MORF4L1: variants seen among roughly 807,000 people sequenced by gnomAD.
MORF4L1 encodes the protein mortality factor 4-like protein 1.
Under a neutral mutation model 52.9 loss-of-function variants are expected in MORF4L1, and 4 were observed. That is an observed-to-expected ratio of 0.08 (90% confidence interval 0.04 to 0.17). MORF4L1 has a LOEUF of 0.17. MORF4L1 is among the 10% of genes least tolerant of loss of function. The pLI, the probability that MORF4L1 is intolerant of heterozygous loss-of-function variation, is 1.00. For missense variants in MORF4L1, 214 were observed against 390.4 expected, an observed-to-expected ratio of 0.55 and a Z score of 3.81; for synonymous variants, 123 against 134.8, an observed-to-expected ratio of 0.91 and a Z score of 0.61.
Position 78,894,240 on chromosome 15 carries a change from C to A in MORF4L1, c.802+10C>A. 1 of 1,591,054 alleles carries A rather than the reference C, an allele frequency of 6.3e-7. No individual in the cohort carries two copies. Among genetic ancestry groups the A allele is most frequent in the South Asian group, 1.1e-5 (1 of 87,278 alleles). On this transcript the variant is annotated intron_variant, in intron 10 of 11. Transcript: ENST00000426013. Reference sequence around the variant, plus strand: ...CTCCTGAGATTATTTGGTAATATGTCATGTAGAAAATAATGGATTTTACTT... The same window carrying A: ...CTCCTGAGATTATTTGGTAATATGTAATGTAGAAAATAATGGATTTTACTT...
At chr15:78,884,616 G>A (rs2056662254) in intron 3 of MORF4L1, among the ~76,000 whole-genome samples, 1 of 139,226 alleles carries the variant, frequency 7.2e-6, no homozygotes, top group Non-Finnish European at 1.5e-5. Context: ...TCCAGCCAGG[G>A]CAACGAGAGC....
At chr15:78,884,791 CAGTT>C (rs2056669542) in intron 3 of MORF4L1, among the ~76,000 whole-genome samples, 1 of 152,034 alleles carries the variant, frequency 6.6e-6, no homozygotes, top group Non-Finnish European at 1.5e-5. Context: ...TCTTAAACTT[CAGTT>C]AATCTTTTTT....
intron 11 of MORF4L1, 136 bp downstream of exon 11, chr15:78,895,040 A>C (rs1284268154): frequency 2.9e-6 from 2 of 685,994 alleles, no homozygotes; most frequent in Non-Finnish European, 5.1e-6. Context: ...CAGTAAAAGT[A>C]AGTGCAAACA....
At chr15:78,895,843 A>T (rs928761331) in intron 11 of MORF4L1, among the ~76,000 whole-genome samples, 3 of 152,202 alleles carry the variant, frequency 2.0e-5, no homozygotes, top group African/African-American at 7.2e-5. Context: ...TAAAACTGCA[A>T]CGTGGACTTG....
rs2056528122 is a variant in MORF4L1 at position 78,877,989 on chromosome 15, A to G, written c.41-224A>G. ...ATAGATGATTTGATTATTTAAGTAG[A>G]TTGACCTGCTAATGAATTGTTTTTG... On this transcript the variant is annotated intron_variant, in intron 1 of 11. Coordinates refer to ENST00000426013, the MANE Select transcript of MORF4L1 (RefSeq NM_006791.4). The G allele has an allele frequency of 1.6e-5, 7 of 441,334 alleles. No individual in the cohort carries two copies. In the South Asian group the frequency reaches 2.0e-4, roughly 13 times the overall value. 27.3% of individuals were successfully genotyped at this position (441,334 alleles called of 1,614,324 possible).
intron 3 of MORF4L1, among the ~76,000 whole-genome samples, chr15:78,884,660 T>C (rs893352983): frequency 1.5e-4 from 19 of 130,702 alleles, no homozygotes; most frequent in African/African-American, 5.6e-4. Flanking sequence ...AAAAAAAAAA[T>C]ACACACACAC....
At chr15:78,884,659 ATACACACACACAC>A (rs1567307601) in intron 3 of MORF4L1, among the ~76,000 whole-genome samples, 2 of 62,216 alleles carry the variant, frequency 3.2e-5, no homozygotes, top group South Asian at 4.8e-4. Context: ...AAAAAAAAAA[ATACACACACACAC>A]ACACACACAC....
rs553979132 is a variant in MORF4L1, at chr15:78,876,407, T to A, written c.41-1806T>A. 466 of 373,182 alleles carry A rather than the reference T, an allele frequency of 1.2e-3. 2 individuals are homozygous for A. The highest frequency in any genetic ancestry group is 2.1e-3 in the Non-Finnish European group (389 of 185,118). 23.1% of individuals were successfully genotyped at this position (373,182 alleles called of 1,614,324 possible). The stretch of plus-strand genomic sequence containing the variant: ...GACTTGGTTTTCCATTGGAAATTCT[T>A]TTTTGTTTTGTTTTGTTTAGATTTT... On this transcript the variant is annotated intron_variant, in intron 1 of 11. Transcript: ENST00000426013.
intron 2 of MORF4L1, among the ~76,000 whole-genome samples, 179 bp downstream of exon 2, chr15:78,878,438 T>C (rs2056535954): frequency 1.3e-5 from 2 of 152,224 alleles, no homozygotes; most frequent in African/African-American, 4.8e-5. Flanking sequence ...GTGGCTCAAA[T>C]GAATTAAAAC....
chr15:78,892,060 G>GTGTTTT, intron 7 of MORF4L1, 152 bp from the exon 8 acceptor site: 1 of 537,034 alleles, frequency 1.9e-6, no homozygotes, highest in Non-Finnish European at 3.3e-6. Flanking sequence ...GCGTATGGTC[G>GTGTTTT]TTTTTATTAA....
At chr15:78,878,070 C>A in intron 1 of MORF4L1, 143 bp from the exon 2 acceptor site, 2 of 644,996 alleles carry the variant, frequency 3.1e-6, no homozygotes, top group Non-Finnish European at 2.5e-6. Flanking sequence ...GAAGTTTGAG[C>A]CAAAGTGGTG....
rs779637839 is a variant in MORF4L1, at chr15:78,896,970, A to G, written c.888-13A>G. ...ACCTTTAAAAATTTTTGTAATGAATATTTTATTTTTAGGTACCTGGCAAAG... is the reference window on the plus strand; with the variant it reads ...ACCTTTAAAAATTTTTGTAATGAATGTTTTATTTTTAGGTACCTGGCAAAG... On this transcript the variant is annotated splice_polypyrimidine_tract_variant and intron_variant, in intron 11 of 11. Coordinates refer to ENST00000426013, the MANE Select transcript of MORF4L1 (RefSeq NM_006791.4). 3.7e-6 allele frequency: 6 copies of G among 1,610,004 alleles called. No individual in the cohort carries two copies. The highest frequency in any genetic ancestry group is 2.7e-5 in the African/African-American group (2 of 74,734).
chr15:78,875,463 C>T (rs942536897), intron 1 of MORF4L1, among the ~76,000 whole-genome samples: 4 of 152,064 alleles, frequency 2.6e-5, no homozygotes, highest in Admixed American at 6.6e-5. Context: ...ATTGTGTAAC[C>T]ACGTTTTAAA....
chr15:78,887,141 T>A (rs138116972), intron 4 of MORF4L1, 128 bp from the exon 5 acceptor site: 121 of 721,620 alleles, frequency 1.7e-4, no homozygotes, highest in South Asian at 8.2e-4. Flanking sequence ...TGTGGAAATA[T>A]CTCTGTCCAA....
chr15:78,876,707 C>T (rs896154582), intron 1 of MORF4L1: 3 of 360,900 alleles, frequency 8.3e-6, no homozygotes, highest in African/African-American at 4.2e-5. Flanking sequence ...AGTTCTCGTT[C>T]CTGGGCCGTT....
intron 5 of MORF4L1, among the ~76,000 whole-genome samples, chr15:78,887,946 T>C (rs1052148921): frequency 1.3e-5 from 2 of 152,152 alleles, no homozygotes; most frequent in Non-Finnish European, 2.9e-5. Flanking sequence ...GCCTGGCTGA[T>C]TTTTGTATTT....
intron 3 of MORF4L1, chr15:78,885,067 C>T (rs1320280914): frequency 1.2e-5 from 19 of 1,611,094 alleles, no homozygotes; most frequent in East Asian, 2.2e-5. Flanking sequence ...AGTACACCAC[C>T]CCCTCCTGAC....
intron 1 of MORF4L1, among the ~76,000 whole-genome samples, chr15:78,877,374 C>T (rs527989047): frequency 1.3e-5 from 2 of 152,292 alleles, no homozygotes; most frequent in African/African-American, 4.8e-5. Flanking sequence ...GCCACCTCGG[C>T]CTCCCTAAGT....
intron 3 of MORF4L1, among the ~76,000 whole-genome samples, chr15:78,883,544 G>C (rs565416189): frequency 6.6e-6 from 1 of 152,170 alleles, no homozygotes; most frequent in East Asian, 1.9e-4. Context: ...TTGTAGTCCA[G>C]TAACTCAAAG....
Sources: gnomAD v4.1 joint callset for allele counts (sites outside exome capture counted in the v4.1 genomes callset) on GRCh38, gnomAD v4.1.1 for gene constraint, MANE v1.5 for transcripts, NCBI Gene and HGNC (gene_info 2026-07-23, HGNC 2026-07-21) for gene names.